Variants in CDH2 observed in about 807,000 individuals in gnomAD.
CDH2 encodes cadherin 2.
A neutral mutation model predicts 92.0 loss-of-function variants in CDH2; 17 were observed. The ratio of observed to expected loss-of-function variants is 0.18; its 90% CI spans 0.13 to 0.28. CDH2 has a LOEUF of 0.28. Ranked by LOEUF, CDH2 falls within the 10% of genes least tolerant of loss-of-function variation. The pLI, the probability that CDH2 is intolerant of heterozygous loss-of-function variation, is 1.00. For missense variants in CDH2, 862 were observed against 1,133.1 expected, an observed-to-expected ratio of 0.76 and a Z score of 3.44; for synonymous variants, 419 against 415.9, an observed-to-expected ratio of 1.01 and a Z score of -0.09.
At chr18:28,159,941 G>C (rs759128989) in intron 1 of CDH2, among the ~76,000 whole-genome samples, 1 of 152,178 alleles carries the variant, frequency 6.6e-6, no homozygotes, top group African/African-American at 2.4e-5. Context: ...ACAGGCGTGA[G>C]CCACCACGCC....
intron 6 of CDH2, among the ~76,000 whole-genome samples, chr18:27,937,265 C>T (rs997808331): frequency 2.0e-5 from 3 of 152,154 alleles, no homozygotes; most frequent in African/African-American, 4.8e-5. Context: ...AAAATAAAGA[C>T]ATTTAAAAGA....
At chr18:28,103,392 CAT>C (rs953743135) in intron 2 of CDH2, among the ~76,000 whole-genome samples, 2 of 142,386 alleles carry the variant, frequency 1.4e-5, no homozygotes, top group East Asian at 2.0e-4. Context: ...ATATAAAGTA[CAT>C]ATATATAAAG....
chr18:28,038,406 G>A (rs1249744243), intron 2 of CDH2, among the ~76,000 whole-genome samples: 2 of 150,510 alleles, frequency 1.3e-5, no homozygotes, highest in African/African-American at 4.9e-5. Flanking sequence ...CTGGGTGACA[G>A]TGAGACCTTG....
chr18:27,940,254 A>G (rs1909106008), intron 6 of CDH2, among the ~76,000 whole-genome samples: 1 of 152,222 alleles, frequency 6.6e-6, no homozygotes, highest in Non-Finnish European at 1.5e-5. Context: ...TGTCTAAATC[A>G]GATGAGACCC....
At chr18:28,107,300 C>T (rs1357769545) in intron 2 of CDH2, among the ~76,000 whole-genome samples, 1 of 151,898 alleles carries the variant, frequency 6.6e-6, no homozygotes, top group African/African-American at 2.4e-5. Flanking sequence ...AACTAAAATA[C>T]TCCAAACTCA....
rs568566214 is a variant in CDH2 at position 27,938,778 on chromosome 18, C to A, written c.1152-5654G>T. Among the ~76,000 whole-genome samples, 4 of 152,198 alleles carry A rather than the reference C, an allele frequency of 2.6e-5. No individual in the cohort carries two copies. In the South Asian group the frequency reaches 8.3e-4, roughly 31 times the overall value. On this transcript the variant is annotated intron_variant, in intron 6 of 6. Transcript: ENST00000675173. ...ACAGTGTTATAGCATCGCTTAATTT[C>A]TGTGTGTGTAATCTAGCAGAATTTA... is the stretch of plus-strand genomic sequence containing the variant.
chr18:27,952,013 T>TTGGTTTGCA lies in CDH2; in HGVS notation c.*131_*139dup, dbSNP rs1371007528. 1.4e-6 allele frequency: 1 copy of TTGGTTTGCA among 695,654 alleles called. No homozygotes were observed. Among genetic ancestry groups the TTGGTTTGCA allele is most frequent in the East Asian group, 2.6e-5 (1 of 38,224 alleles). 43.1% of individuals were successfully genotyped at this position (695,654 alleles called of 1,614,324 possible). ...CACTGATATTCCCTCTGAGCCCAAA[T>TTGGTTTGCA]TGGTTTGCAGCCTATGCCAAAGCCT... On this transcript the variant is annotated 3_prime_UTR_variant, in exon 16 of 16. Coordinates refer to ENST00000269141, the MANE Select transcript of CDH2 (RefSeq NM_001792.5).
At chr18:28,095,088 ACT>A (rs774571031) in intron 2 of CDH2, among the ~76,000 whole-genome samples, 6 of 152,048 alleles carry the variant, frequency 3.9e-5, no homozygotes, top group Non-Finnish European at 8.8e-5. Context: ...CAGTTTTCAC[ACT>A]CTGTCAGTTA....
intron 2 of CDH2, among the ~76,000 whole-genome samples, chr18:28,115,755 C>CT (rs998973604): frequency 3.3e-5 from 5 of 151,960 alleles, no homozygotes; most frequent in Admixed American, 6.6e-5. Flanking sequence ...TTTTACGACA[C>CT]TTTTTTTTAA....
At chr18:28,122,672 C>T (rs2015611715) in intron 2 of CDH2, among the ~76,000 whole-genome samples, 2 of 152,204 alleles carry the variant, frequency 1.3e-5, no homozygotes, top group Middle Eastern at 3.4e-3. Flanking sequence ...AATTATAAAA[C>T]ACTAAGAAAT....
At chr18:28,176,863 G>T in intron 1 of CDH2, 100 bp downstream of exon 1, 1 of 555,842 alleles carries the variant, frequency 1.8e-6, no homozygotes, top group Non-Finnish European at 2.3e-6. Flanking sequence ...CTCCCTTCCC[G>T]GGTGCGCAGC....
At chr18:28,044,787 A>G (rs1002742458) in intron 2 of CDH2, among the ~76,000 whole-genome samples, 3 of 152,120 alleles carry the variant, frequency 2.0e-5, no homozygotes, top group Non-Finnish European at 2.9e-5. Context: ...TCAAAAAAAA[A>G]ATGAAGATAA....
intron 2 of CDH2, among the ~76,000 whole-genome samples, chr18:28,047,796 A>C (rs932602645): frequency 6.7e-6 from 1 of 148,676 alleles, no homozygotes; most frequent in Non-Finnish European, 1.5e-5. Context: ...GTGAACCCGG[A>C]AGGCGGAGCT....
At chr18:28,044,902 A>G (rs2014042929) in intron 2 of CDH2, among the ~76,000 whole-genome samples, 1 of 149,350 alleles carries the variant, frequency 6.7e-6, no homozygotes, top group Non-Finnish European at 1.5e-5. Flanking sequence ...GGCACATAGA[A>G]TGTTTTCTAT....
At chr18:28,012,321 G>A (rs1036907840) in intron 3 of CDH2, among the ~76,000 whole-genome samples, 1 of 152,082 alleles carries the variant, frequency 6.6e-6, no homozygotes, top group Non-Finnish European at 1.5e-5. Flanking sequence ...TTTCTCATTA[G>A]TTTAAACCAC....
At chr18:28,015,345 C>T (rs558924039) in intron 2 of CDH2, among the ~76,000 whole-genome samples, 68 of 152,230 alleles carry the variant, frequency 4.5e-4, no homozygotes, top group African/African-American at 1.6e-3. Context: ...AAAAGTATAT[C>T]TCAAACTAAA....
intron 2 of CDH2, among the ~76,000 whole-genome samples, chr18:28,104,135 T>C (rs1269182568): frequency 6.6e-6 from 1 of 152,174 alleles, no homozygotes; most frequent in Non-Finnish European, 1.5e-5. Flanking sequence ...GGTTGTGTTA[T>C]TGATTTTTGT....
chr18:28,034,688 A>C (rs2013782053), intron 2 of CDH2, among the ~76,000 whole-genome samples: 1 of 152,012 alleles, frequency 6.6e-6, no homozygotes, highest in African/African-American at 2.4e-5. Context: ...CACAATAAAA[A>C]AAAACAAAAA....
intron 2 of CDH2, among the ~76,000 whole-genome samples, chr18:28,089,376 C>G (rs190247962): frequency 3.1e-4 from 47 of 152,200 alleles, no homozygotes; most frequent in African/African-American, 1.0e-3. Flanking sequence ...TTATAATAAC[C>G]AATCACATAT....
Sources: gnomAD v4.1 joint callset for allele counts (sites outside exome capture counted in the v4.1 genomes callset) on GRCh38, gnomAD v4.1.1 for gene constraint, MANE v1.5 for transcripts, NCBI Gene and HGNC (gene_info 2026-07-23, HGNC 2026-07-21) for gene names.